WHRN: variants seen among roughly 807,000 people sequenced by gnomAD.
WHRN encodes the protein whirlin.
In WHRN, 41 loss-of-function variants were observed where a neutral mutation model predicts 68.3. The ratio of observed to expected loss-of-function variants is 0.60; its 90% CI spans 0.47 to 0.78. WHRN has a LOEUF of 0.78. Ranked by LOEUF, WHRN falls within the 30% of genes least tolerant of loss-of-function variation. The probability of loss-of-function intolerance (pLI) is 0.00; values close to 1 mark genes in which losing one functional copy is unlikely to be tolerated. For synonymous variants in WHRN, 560 were observed against 561.3 expected (o/e 1.00, Z 0.03); for missense variants, 1,243 against 1,244.7 (o/e 1.00, Z 0.02).
intron 2 of WHRN, among the ~76,000 whole-genome samples, chr9:114,469,604 G>T (rs1239669454): frequency 6.6e-6 from 1 of 152,302 alleles, no homozygotes; most frequent in East Asian, 1.9e-4. Flanking sequence ...GGACACCTCT[G>T]CAGGCCATCC....
At chr9:114,487,126 T>C (rs891558056) in intron 1 of WHRN, among the ~76,000 whole-genome samples, 2 of 147,750 alleles carry the variant, frequency 1.4e-5, no homozygotes, top group Non-Finnish European at 3.0e-5. Flanking sequence ...GATTATTAAA[T>C]TAGTCAATAT....
intron 3 of WHRN, among the ~76,000 whole-genome samples, chr9:114,465,941 C>T (rs1391479098): frequency 1.3e-5 from 2 of 152,222 alleles, no homozygotes; most frequent in African/African-American, 4.8e-5. Context: ...CTGCCCAGGG[C>T]ACCCCCAACC....
chr9:114,493,477 T>C (rs1254674821), intron 1 of WHRN, among the ~76,000 whole-genome samples: 1 of 152,074 alleles, frequency 6.6e-6, no homozygotes, highest in Admixed American at 6.5e-5. Context: ...CTTTAACTTG[T>C]CCAGTCTGTG....
chr9:114,438,610 G>A (rs1017073086), intron 3 of WHRN, among the ~76,000 whole-genome samples: 4 of 151,812 alleles, frequency 2.6e-5, no homozygotes, highest in Non-Finnish European at 4.4e-5. Flanking sequence ...CCGCCACCAC[G>A]CCCAGCTAAT....
chr9:114,498,035 C>A (rs376201383), intron 1 of WHRN, among the ~76,000 whole-genome samples: 7 of 152,186 alleles, frequency 4.6e-5, no homozygotes, highest in African/African-American at 7.2e-5. Flanking sequence ...GCACCCACAA[C>A]GCTGCCATAC....
chr9:114,449,608 G>A (rs1839133477), intron 3 of WHRN, among the ~76,000 whole-genome samples: 1 of 152,158 alleles, frequency 6.6e-6, no homozygotes, highest in Non-Finnish European at 1.5e-5. Flanking sequence ...AACTAAGAGA[G>A]TATCATAAGG....
intron 3 of WHRN, among the ~76,000 whole-genome samples, chr9:114,428,830 T>C (rs1589119289): frequency 4.8e-5 from 7 of 146,554 alleles, no homozygotes; most frequent in Admixed American, 4.6e-4. Flanking sequence ...ATCAGCCCCC[T>C]GACCTCGGTT....
chr9:114,504,519 G>C lies in WHRN; in HGVS notation c.283C>G (p.Arg95Gly), dbSNP rs746210686. The change falls in exon 1 of 12, where the codon CGT (arginine) becomes GGT (glycine). Residue 95 changes from arginine to glycine, a missense_variant. Physicochemically the swap from Arg to Gly is moderately radical, Grantham distance 125. Coordinates refer to ENST00000362057, the MANE Select transcript of WHRN (RefSeq NM_015404.4). ...PVKRRLLPML[R>G]LVIPRSDQLL... is the part of the protein sequence containing the mutation. ...TGGTCGGAGCGCGGGATGACCAGAC[G>C]AAGCATGGGCAGCAGGCGCCGCTTG... The C allele has an allele frequency of 1.2e-6, 2 of 1,610,022 alleles. No homozygotes were observed. The highest frequency in any genetic ancestry group is 1.7e-6 in the Non-Finnish European group (2 of 1,179,810).
At chr9:114,406,274 C>T (rs1835017155) in intron 9 of WHRN, 81 bp downstream of exon 9, 1 of 1,594,462 alleles carries the variant, frequency 6.3e-7, no homozygotes, top group South Asian at 1.1e-5. Flanking sequence ...TGGTCCCCCC[C>T]TTCACTGTGT....
intron 3 of WHRN, among the ~76,000 whole-genome samples, chr9:114,464,068 C>T (rs1040605707): frequency 6.6e-6 from 1 of 152,234 alleles, no homozygotes; most frequent in Admixed American, 6.5e-5. Flanking sequence ...TGTATCTAAA[C>T]ACCACATGTA....
intron 7 of WHRN, 131 bp from the exon 8 acceptor site, chr9:114,408,149 T>A: frequency 1.3e-6 from 1 of 741,562 alleles, no homozygotes; most frequent in Non-Finnish European, 2.4e-6. Flanking sequence ...CTGACATACC[T>A]CACTTCATCG....
intron 3 of WHRN, among the ~76,000 whole-genome samples, chr9:114,452,150 TC>T (rs1839393051): frequency 6.6e-6 from 1 of 152,252 alleles, no homozygotes; most frequent in Non-Finnish European, 1.5e-5. Context: ...AAAAAATGTA[TC>T]ATTACTGTTT....
rs151272637 is a variant in WHRN, at chr9:114,440,536, C to T, written c.964-14123G>A. ...GATTACAGGTGTAAACCATCCTGCC[C>T]GACCTAAAAAATTAAGATTTATCAA... On this transcript the variant is annotated intron_variant, in intron 3 of 11. Transcript: ENST00000362057. Among the ~76,000 whole-genome samples the T allele has an allele frequency of 5.7e-3, 866 of 152,214 alleles. 6 individuals carry two copies. Among genetic ancestry groups the T allele is most frequent in the Non-Finnish European group, 8.6e-3 (588 of 68,010 alleles).
intron 7 of WHRN, among the ~76,000 whole-genome samples, chr9:114,419,607 T>C (rs1836102861): frequency 6.6e-6 from 1 of 152,174 alleles, no homozygotes; most frequent in Non-Finnish European, 1.5e-5. Flanking sequence ...GAAGTCTTCT[T>C]GGAAGAGGCA....
chr9:114,471,397 C>T (rs994326011), intron 2 of WHRN, among the ~76,000 whole-genome samples: 2 of 152,102 alleles, frequency 1.3e-5, no homozygotes, highest in Non-Finnish European at 2.9e-5. Context: ...AATGATGGGG[C>T]TAAGATTCAC....
chr9:114,504,439 G>C lies in WHRN; in HGVS notation c.363C>G (p.Pro121=). 6.2e-7 allele frequency: 1 copy of C among 1,607,142 alleles called. No homozygotes were observed. Among genetic ancestry groups the C allele is most frequent in the Non-Finnish European group, 8.5e-7 (1 of 1,179,632 alleles). Residue 121 remains proline (P), a synonymous_variant, in exon 1 of 12, where the codon CCC becomes CCG. Coordinates refer to ENST00000362057, the MANE Select transcript of WHRN (RefSeq NM_015404.4). ...GGCCGCCCCAGGCGGGCTGCCTGTA[G>C]GGGGTGGTGGCGGGCAGGTAGAGGC... ...AEGLYLPATT[P]YRQPAWGGPD... is the part of the protein sequence containing the mutation.
At chr9:114,426,466 C>G (rs1216853708) in intron 3 of WHRN, 53 bp from the exon 4 acceptor site, 2 of 1,601,178 alleles carry the variant, frequency 1.2e-6, no homozygotes, top group Non-Finnish European at 1.7e-6. Flanking sequence ...AGGATTCACA[C>G]TAGGGACTTC....
At chr9:114,463,151 G>C (rs1840382801) in intron 3 of WHRN, among the ~76,000 whole-genome samples, 1 of 152,242 alleles carries the variant, frequency 6.6e-6, no homozygotes, top group Non-Finnish European at 1.5e-5. Flanking sequence ...CTCCGAAGGA[G>C]GAATAACTAG....
intron 1 of WHRN, among the ~76,000 whole-genome samples, chr9:114,485,933 G>C (rs1394466453): frequency 2.0e-5 from 3 of 152,202 alleles, no homozygotes; most frequent in East Asian, 3.9e-4. Flanking sequence ...AGGTTTGCTT[G>C]AGCCCAAAAG....
Sources: allele counts gnomAD v4.1 joint callset (sites outside exome capture counted in the v4.1 genomes callset), GRCh38; gene constraint gnomAD v4.1.1; transcripts MANE v1.5; gene names NCBI Gene and HGNC (gene_info 2026-07-23, HGNC 2026-07-21).